Variants in TENM2 observed in about 807,000 individuals in gnomAD.
TENM2 encodes teneurin-2.
Under a neutral mutation model 245.2 loss-of-function variants are expected in TENM2, and 52 were observed. That is an observed-to-expected ratio of 0.21 (90% CI 0.17 to 0.27). The LOEUF (loss-of-function observed/expected upper bound fraction) is 0.27. Among genes scored for constraint, TENM2 ranks in the 10% least tolerant of loss-of-function variants. The pLI is 1.00. For synonymous variants in TENM2, 1,363 were observed against 1,438.9 expected (o/e 0.95, Z 1.19); for missense variants, 3,046 against 3,666.8 (o/e 0.83, Z 4.37).
chr5:167,427,658 AGGGAAGGAAGGG>A (rs1763932292), intron 2 of TENM2, among the ~76,000 whole-genome samples: 1 of 52,416 alleles, frequency 1.9e-5, no homozygotes, highest in African/African-American at 1.3e-4. Context: ...AAGGGACGGG[AGGGAAGGAAGGG>A]AAGGAAGGAA....
At chr5:168,215,079 C>T (rs755258151) in exon 21 of TENM2, 5 of 1,613,712 alleles carry the variant, frequency 3.1e-6, no homozygotes, top group East Asian at 2.2e-5. Context: ...CAGTGGACCC[C>T]GTGTCCGGCT....
the TENM2 span, among the ~76,000 whole-genome samples, chr5:167,164,466 T>C: frequency 2.6e-5 from 4 of 152,234 alleles, no homozygotes; most frequent in Non-Finnish European, 5.9e-5. Flanking sequence ...GGCTAAAATT[T>C]CCTATTGTTT....
chr5:167,074,235 A>G, the TENM2 span, among the ~76,000 whole-genome samples: 3 of 152,192 alleles, frequency 2.0e-5, no homozygotes, highest in Admixed American at 2.0e-4. Flanking sequence ...AGATATTAAA[A>G]ACTCATAAGT....
At chr5:168,104,853 G>A (rs570601971) in intron 9 of TENM2, among the ~76,000 whole-genome samples, 4 of 152,144 alleles carry the variant, frequency 2.6e-5, no homozygotes, top group Non-Finnish European at 5.9e-5. Context: ...TGAGTCAGTC[G>A]AGGGGACAGA....
At chr5:168,040,944 A>C (rs1443398852) in intron 5 of TENM2, among the ~76,000 whole-genome samples, 1 of 152,232 alleles carries the variant, frequency 6.6e-6, no homozygotes, top group Non-Finnish European at 1.5e-5. Flanking sequence ...ACTAGTTGCC[A>C]ACCAAGGACA....
intron 4 of TENM2, among the ~76,000 whole-genome samples, chr5:167,982,075 C>G (rs369410501): frequency 6.6e-6 from 1 of 152,078 alleles, no homozygotes; most frequent in Non-Finnish European, 1.5e-5. Flanking sequence ...GCCACTGGCC[C>G]GGAACACACT....
the TENM2 span, among the ~76,000 whole-genome samples, chr5:167,103,185 C>T: frequency 2.6e-5 from 4 of 152,132 alleles, no homozygotes; most frequent in East Asian, 1.9e-4. Context: ...CCAAGTCTTC[C>T]GCGGAACAGT....
At chr5:167,504,648 G>A (rs912819655) in intron 2 of TENM2, among the ~76,000 whole-genome samples, 5 of 152,172 alleles carry the variant, frequency 3.3e-5, no homozygotes, top group Non-Finnish European at 7.3e-5. Flanking sequence ...GCTGGGGATA[G>A]TGTATGTGAA....
intron 7 of TENM2, 135 bp downstream of exon 9, chr5:168,062,400 T>A: frequency 1.3e-6 from 1 of 743,652 alleles, no homozygotes; most frequent in Non-Finnish European, 2.1e-6. Flanking sequence ...GGCGAGAATT[T>A]GGAGAAATAA....
intron 2 of TENM2, among the ~76,000 whole-genome samples, chr5:167,678,477 T>C (rs1756484382): frequency 6.6e-6 from 1 of 152,118 alleles, no homozygotes. Flanking sequence ...AGATTTATCC[T>C]TTTCTTCCCT....
intron 2 of TENM2, among the ~76,000 whole-genome samples, chr5:167,832,572 T>C (rs568025317): frequency 5.0e-4 from 76 of 152,250 alleles, no homozygotes; most frequent in African/African-American, 1.8e-3. Flanking sequence ...TTAGCATATA[T>C]GTGCAAGTGT....
intron 2 of TENM2, among the ~76,000 whole-genome samples, chr5:167,683,435 T>C (rs112098480): frequency 0.011 from 1,740 of 152,274 alleles, 31 homozygotes; most frequent in African/African-American, 0.038. Flanking sequence ...CCATGCAAAA[T>C]AGAATAATGT....
the TENM2 span, among the ~76,000 whole-genome samples, chr5:167,181,198 C>T: frequency 3.3e-5 from 5 of 152,120 alleles, no homozygotes; most frequent in South Asian, 6.2e-4. Flanking sequence ...TATTTTAGAA[C>T]CTATGACAAC....
At chr5:167,318,362 G>A (rs932834757) in intron 1 of TENM2, among the ~76,000 whole-genome samples, 2 of 151,838 alleles carry the variant, frequency 1.3e-5, no homozygotes, top group Admixed American at 6.6e-5. Flanking sequence ...AGACATACAA[G>A]GTTACTACAA....
At chr5:167,427,202 C>A (rs1400737521) in intron 2 of TENM2, among the ~76,000 whole-genome samples, 3 of 152,090 alleles carry the variant, frequency 2.0e-5, no homozygotes, top group Non-Finnish European at 2.9e-5. Flanking sequence ...GGCTGTAATA[C>A]CAACACTTTG....
intron 1 of TENM2, among the ~76,000 whole-genome samples, chr5:167,323,883 C>G (rs1233565620): frequency 6.6e-6 from 1 of 152,108 alleles, no homozygotes; most frequent in East Asian, 1.9e-4. Flanking sequence ...CAGAACCTCC[C>G]CAAGGCTTAC....
upstream of TENM2, among the ~76,000 whole-genome samples, chr5:167,280,194 C>T (rs1044085967): frequency 2.0e-5 from 3 of 152,098 alleles, no homozygotes; most frequent in Admixed American, 1.3e-4. Context: ...GTTCTGGCTC[C>T]CCATGAGACA....
chr5:167,273,782 C>T, the TENM2 span, among the ~76,000 whole-genome samples: 1 of 151,946 alleles, frequency 6.6e-6, no homozygotes, highest in African/African-American at 2.4e-5. Context: ...AAAATAATGA[C>T]AGTAATAATT....
chr5:167,678,864 A>G (rs1032546033), intron 2 of TENM2, among the ~76,000 whole-genome samples: 3 of 152,134 alleles, frequency 2.0e-5, no homozygotes, highest in Non-Finnish European at 4.4e-5. Flanking sequence ...GAATGTCAAT[A>G]AAGATTTTAT....
Sources: allele counts gnomAD v4.1 joint callset (sites outside exome capture counted in the v4.1 genomes callset), GRCh38; gene constraint gnomAD v4.1.1; transcripts MANE v1.5; gene names NCBI Gene and HGNC (gene_info 2026-07-23, HGNC 2026-07-21).